The following KLF16 variants were observed in gnomAD, a reference collection of about 807,000 sequenced individuals.
KLF16 encodes the protein Krueppel-like factor 16.
Under a neutral mutation model 6.1 loss-of-function variants are expected in KLF16, and 6 were observed. The observed-to-expected ratio is 0.98, with a 90% CI of 0.54 to 1.93. The LOEUF is 1.93. Among genes scored for constraint, KLF16 ranks in the 30% most tolerant of loss-of-function variants. The pLI, the probability that KLF16 is intolerant of heterozygous loss-of-function variation, is 0.01. For synonymous variants in KLF16, 211 were observed against 176.5 expected (o/e 1.20, Z -1.55); for missense variants, 355 against 363.8 (o/e 0.98, Z 0.20).
rs957382452 is a variant in KLF16 at position 1,859,703 on chromosome 19, C to G, written c.457+3338G>C. On this transcript the variant is annotated intron_variant, in intron 1 of 1. Transcript: ENST00000250916. Reference sequence around the variant, plus strand: ...CACTAGCATCCCTGTTGCCACCCCCCACCCCGCCCCCCGCCACCACGGACA... The same window carrying G: ...CACTAGCATCCCTGTTGCCACCCCCGACCCCGCCCCCCGCCACCACGGACA... 7.2e-5 allele frequency among the ~76,000 whole-genome samples: 11 copies of G among 152,296 alleles called. No homozygotes were observed. In the East Asian group the frequency reaches 1.9e-3, roughly 27 times the overall value.
At chr19:1,868,768 G>A in the KLF16 span, among the ~76,000 whole-genome samples, 23 of 151,120 alleles carry the variant, frequency 1.5e-4, no homozygotes, top group Middle Eastern at 3.4e-3. Context: ...TTGGCTTCCC[G>A]AGTAGCCGCG....
the KLF16 span, among the ~76,000 whole-genome samples, chr19:1,871,610 G>A: frequency 6.6e-6 from 1 of 152,146 alleles, no homozygotes; most frequent in Non-Finnish European, 1.5e-5. Context: ...CTGTGTTAAG[G>A]CGTTAAATCA....
Position 1,856,969 on chromosome 19 carries a change from G to A in KLF16, c.458-2209C>T, listed in dbSNP as rs1449811123. On this transcript the variant is annotated intron_variant, in intron 1 of 1. Transcript: ENST00000250916. ...GGTTGCCGGGGTGGGGGGGGCGACC[G>A]GGGCAGGGGCGCGCAGCCGCTGGGA... Among the ~76,000 whole-genome samples, 2 of 141,058 alleles carry A rather than the reference G, an allele frequency of 1.4e-5. 1 individual carries two copies. The highest frequency in any genetic ancestry group is 1.4e-4 in the Admixed American group (2 of 14,628). The allele number at this position is 141,058 out of a possible 152,430, so 92.5% of individuals were successfully genotyped here.
At chr19:1,861,154 T>A (rs975412030) in intron 1 of KLF16, among the ~76,000 whole-genome samples, 11 of 152,256 alleles carry the variant, frequency 7.2e-5, no homozygotes, top group African/African-American at 2.4e-4. Context: ...CCCTCCCTGC[T>A]GGCTTAGGGA....
rs2011877941 is a variant in KLF16 at position 1,853,453 on chromosome 19, GCCCGGA to G, written c.*1000_*1005del. ...AGGGCCGGGCCAGGCTGCAGCCCAG[GCCCGGA>G]AGAGCCTGCAACCCCGGCGGGCATG... On this transcript the variant is annotated 3_prime_UTR_variant, in exon 2 of 2. Coordinates refer to ENST00000250916, the MANE Select transcript of KLF16 (RefSeq NM_031918.4). 6.6e-6 allele frequency: 1 copy of G among 152,470 alleles called. No individual in the cohort carries two copies. Among genetic ancestry groups the G allele is most frequent in the African/African-American group, 2.4e-5 (1 of 41,422 alleles). The allele number at this position is 152,470 out of a possible 1,614,324, so 9.4% of individuals were successfully genotyped here. A position where few individuals can be genotyped will look rare whatever the true frequency, so the allele number is the denominator to read the frequency against.
chr19:1,875,036 C>T, the KLF16 span: 17 of 152,348 alleles, frequency 1.1e-4, 1 homozygote, highest in African/African-American at 3.6e-4. Context: ...GAAATACTAT[C>T]TCACGCCTAC....
chr19:1,863,335 T>G lies in KLF16; in HGVS notation c.163A>C (p.Thr55Pro), dbSNP rs2145370695. ...AARREAASPGTPGPPPPPPAA... is the reference protein window; with the variant it reads ...AARREAASPGPPGPPPPPPAA... Reference sequence around the variant, plus strand: ...GGGGGCGGCGGGGGTGGCCCCGGGGTCCCGGGTGAGGCGGCCTCGCGGCGC... The same window carrying G: ...GGGGGCGGCGGGGGTGGCCCCGGGGGCCCGGGTGAGGCGGCCTCGCGGCGC... Residue 55 changes from threonine (T) to proline (P), a missense_variant, in exon 1 of 2, where the codon ACC (threonine) becomes CCC (proline). By Grantham distance (38) the Thr-to-Pro change is conservative. Coordinates refer to ENST00000250916, the MANE Select transcript of KLF16 (RefSeq NM_031918.4). 1.0e-6 allele frequency: 1 copy of G among 976,624 alleles called. No homozygotes were observed. Among genetic ancestry groups the G allele is most frequent in the Non-Finnish European group, 1.2e-6 (1 of 827,132 alleles). The allele number at this position is 976,624 out of a possible 1,614,324, so 60.5% of individuals were successfully genotyped here.
At chr19:1,870,175 C>T in the KLF16 span, among the ~76,000 whole-genome samples, 1 of 151,738 alleles carries the variant, frequency 6.6e-6, no homozygotes, top group African/African-American at 2.4e-5. Flanking sequence ...CATGATCTGC[C>T]CGCCTCGGCC....
chr19:1,855,963 G>A (rs1233801491), intron 1 of KLF16, among the ~76,000 whole-genome samples: 5 of 152,248 alleles, frequency 3.3e-5, no homozygotes, highest in African/African-American at 1.2e-4. Context: ...TAGCAAAAGA[G>A]ACGTCAGAAC....
At chr19:1,867,703 G>A (rs532319542), upstream of KLF16, among the ~76,000 whole-genome samples, 3 of 151,668 alleles carry the variant, frequency 2.0e-5, no homozygotes, top group Admixed American at 6.6e-5. Context: ...CTGTCTCTAC[G>A]AACAGTACAA....
Position 1,863,520 on chromosome 19 carries a change from G to A in KLF16, c.-23C>T, listed in dbSNP as rs1362827182. ...CATGCCGAGCAAGGGCGCGCGGCGC[G>A]GCGGGCGGAGCGGAGGCGGCGGGAG... On this transcript the variant is annotated 5_prime_UTR_variant, in exon 1 of 2. Coordinates refer to ENST00000250916, the MANE Select transcript of KLF16 (RefSeq NM_031918.4). 2 of 983,000 alleles carry A rather than the reference G, an allele frequency of 2.0e-6. No individual in the cohort carries two copies. Among genetic ancestry groups the A allele is most frequent in the South Asian group, 4.4e-5 (1 of 22,536 alleles). The allele number at this position is 983,000 out of a possible 1,614,324, so 60.9% of individuals were successfully genotyped here.
At chr19:1,864,046 C>A (rs1284308402), upstream of KLF16, among the ~76,000 whole-genome samples, 1 of 145,646 alleles carries the variant, frequency 6.9e-6, no homozygotes, top group Non-Finnish European at 1.5e-5. Context: ...TCCGAGAGCG[C>A]GCCCCGCCCC....
rs900482397 is a variant in KLF16 at position 1,854,587 on chromosome 19, C to T, written c.631G>A (p.Gly211Ser). Reference sequence around the variant, plus strand: ...CGCCGGAGCAGGTCCGGGTGGAAGCCGGGGTGGCGGCGGGCGTGCTTGGCC... The same window carrying T: ...CGCCGGAGCAGGTCCGGGTGGAAGCTGGGGTGGCGGCGGGCGTGCTTGGCC... ...HLAKHARRHP[G>S]FHPDLLRRPG... is the part of the protein sequence containing the mutation. Residue 211 changes from glycine to serine, a missense_variant, in exon 2 of 2, where the codon GGC (glycine) becomes AGC (serine). By Grantham distance (56) the Gly-to-Ser change is moderately conservative. Transcript: ENST00000250916. 1.3e-5 allele frequency: 20 copies of T among 1,591,248 alleles called. No individual in the cohort carries two copies. Among genetic ancestry groups the T allele is most frequent in the African/African-American group, 1.1e-4 (8 of 74,530 alleles).
At chr19:1,864,178 G>A (rs2012142451), upstream of KLF16, among the ~76,000 whole-genome samples, 1 of 150,950 alleles carries the variant, frequency 6.6e-6, no homozygotes. Flanking sequence ...TCCTGGCCCC[G>A]GGCGCGCCCC....
chr19:1,866,118 A>G (rs901827533), upstream of KLF16, among the ~76,000 whole-genome samples: 1 of 151,694 alleles, frequency 6.6e-6, no homozygotes, highest in Non-Finnish European at 1.5e-5. Context: ...AGCCTGGCCA[A>G]TGTGGTGAAA....
Position 1,854,618 on chromosome 19 carries a change from G to A in KLF16, c.600C>T (p.Asp200=). The change falls in exon 2 of 2, where the codon GAC becomes GAT. Residue 200 remains aspartate, a synonymous_variant. Transcript: ENST00000250916. The stretch of plus-strand genomic sequence containing the variant: ...GGCGGCGGGCGTGCTTGGCCAGGTG[G>A]TCACTGCGGGTGAAGCGCTTGGAGC... ...PLCSKRFTRS[D]HLAKHARRHP... The A allele has an allele frequency of 1.3e-6, 2 of 1,597,878 alleles. No homozygotes were observed. The highest frequency in any genetic ancestry group is 1.7e-4 in the Middle Eastern group (1 of 5,956).
intron 1 of KLF16, among the ~76,000 whole-genome samples, chr19:1,858,557 C>T (rs1555830773): frequency 6.6e-6 from 1 of 152,222 alleles, no homozygotes; most frequent in Non-Finnish European, 1.5e-5. Flanking sequence ...ACAGCAGGTG[C>T]TTAATGCATA....
chr19:1,873,690 C>T, the KLF16 span, among the ~76,000 whole-genome samples: 1 of 152,280 alleles, frequency 6.6e-6, no homozygotes, highest in South Asian at 2.1e-4. Context: ...CGGGCCATAC[C>T]AAGTGGGAGG....
intron 1 of KLF16, among the ~76,000 whole-genome samples, chr19:1,858,680 G>A (rs1374177676): frequency 1.3e-5 from 2 of 151,842 alleles, no homozygotes; most frequent in Non-Finnish European, 2.9e-5. Context: ...CCACCCCGCC[G>A]CCAAACTATC....
Sources: allele counts gnomAD v4.1 joint callset (sites outside exome capture counted in the v4.1 genomes callset), GRCh38; gene constraint gnomAD v4.1.1; transcripts MANE v1.5; gene names NCBI Gene and HGNC (gene_info 2026-07-23, HGNC 2026-07-21).